Variants in XPO1 observed in about 807,000 individuals in gnomAD.
XPO1 encodes the protein exportin 1, also known as exportin-1.
A neutral mutation model predicts 133.3 loss-of-function variants in XPO1; 5 were observed. The ratio of observed to expected loss-of-function variants is 0.04; its 90% confidence interval spans 0.02 to 0.08. XPO1 has a LOEUF of 0.08. Ranked by LOEUF, XPO1 falls within the 10% of genes least tolerant of loss-of-function variation. The pLI is 1.00. For synonymous variants in XPO1, 419 were observed against 408.2 expected (o/e 1.03, Z -0.32); for missense variants, 506 against 1,267.5 (o/e 0.40, Z 9.12).
At chr2:61,494,650 GAA>G in intron 11 of XPO1, 1 of 152,788 alleles carries the variant, frequency 6.5e-6, no homozygotes, top group Non-Finnish European at 1.5e-5. Flanking sequence ...GAACAAAGGA[GAA>G]AGTGACTGTT....
intron 4 of XPO1, among the ~76,000 whole-genome samples, chr2:61,520,673 T>G (rs1208119406): frequency 6.6e-6 from 1 of 152,116 alleles, no homozygotes; most frequent in Non-Finnish European, 1.5e-5. Context: ...AAACAAAAAT[T>G]TTTTAAATTA....
chr2:61,502,285 G>C lies in XPO1; in HGVS notation c.327C>G (p.Leu109=), dbSNP rs2104531244. The change falls in exon 5 of 25, where the codon CTC becomes CTG. Residue 109 remains leucine (L), a synonymous_variant. Transcript: ENST00000401558. Reference sequence around the variant, plus strand: ...TTGGGTCAGATGACGTCTTGATAATGAGGCCAACAACGTATTTTTTTATTC... The same window carrying C: ...TTGGGTCAGATGACGTCTTGATAATCAGGCCAACAACGTATTTTTTTATTC... ...CEGIKKYVVG[L]IIKTSSDPTC... 1 of 1,613,660 alleles carries C rather than the reference G, an allele frequency of 6.2e-7. No individual in the cohort carries two copies. Among genetic ancestry groups the C allele is most frequent in the Non-Finnish European group, 8.5e-7 (1 of 1,179,938 alleles).
intron 6 of XPO1, among the ~76,000 whole-genome samples, chr2:61,500,706 G>A (rs756709536): frequency 2.9e-4 from 44 of 152,114 alleles, no homozygotes; most frequent in Admixed American, 6.6e-4. Flanking sequence ...GGCCAAGGCA[G>A]GAGAATTGCT....
At position 61,485,752 on chromosome 2, in the gene XPO1, C is replaced by G; in HGVS notation, c.2508+16G>C. 6.3e-7 allele frequency: 1 copy of G among 1,585,030 alleles called. No homozygotes were observed. The highest frequency in any genetic ancestry group is 8.6e-7 in the Non-Finnish European group (1 of 1,160,424). ...CCTGCAGAATTTCCCCCTTACATAA[C>G]TGAAATATTACACACCTTATTTATC... is the stretch of plus-strand genomic sequence containing the variant. On this transcript the variant is annotated intron_variant, in intron 20 of 24. Coordinates refer to ENST00000401558, the MANE Select transcript of XPO1 (RefSeq NM_003400.4).
chr2:61,522,505 G>C (rs1253888188), intron 4 of XPO1, 106 bp downstream of exon 4: 22 of 1,020,394 alleles, frequency 2.2e-5, no homozygotes, highest in Admixed American at 4.4e-5. Context: ...AGCTCCATTA[G>C]AGCAAAATAT....
intron 24 of XPO1, among the ~76,000 whole-genome samples, 154 bp from the exon 25 acceptor site, chr2:61,479,120 C>G (rs1381531956): frequency 6.6e-6 from 1 of 152,170 alleles, no homozygotes. Flanking sequence ...ACACAGTATA[C>G]TACATAGCTG....
intron 4 of XPO1, among the ~76,000 whole-genome samples, chr2:61,521,044 C>T (rs771582017): frequency 1.3e-5 from 2 of 152,176 alleles, no homozygotes; most frequent in Admixed American, 6.6e-5. Context: ...CATCACAGAA[C>T]GTGATCTAAA....
intron 3 of XPO1, among the ~76,000 whole-genome samples, chr2:61,524,484 G>A (rs1438409346): frequency 1.3e-5 from 2 of 152,172 alleles, no homozygotes; most frequent in African/African-American, 2.4e-5. Context: ...TGCCAAGGGG[G>A]TTGAAGCAGG....
At chr2:61,495,370 G>A in intron 11 of XPO1, 85 bp downstream of exon 11, 1 of 1,073,708 alleles carries the variant, frequency 9.3e-7, no homozygotes. Context: ...ATCTCAAAAG[G>A]TACATACATT....
chr2:61,482,341 G>T lies in XPO1; in HGVS notation c.2972+39C>A. The T allele has an allele frequency of 1.9e-6, 3 of 1,542,870 alleles. No individual in the cohort carries two copies. In the South Asian group the frequency reaches 3.7e-5, roughly 19 times the overall value. On this transcript the variant is annotated intron_variant, in intron 23 of 24. Transcript: ENST00000401558. ...ATTACAGGTGTGAGCCACTGTGCCC[G>T]ACCAGGAACATTCTACGTTTATTAA...
chr2:61,516,718 A>T (rs1464225859), intron 4 of XPO1, among the ~76,000 whole-genome samples: 1 of 151,590 alleles, frequency 6.6e-6, no homozygotes, highest in Non-Finnish European at 1.5e-5. Flanking sequence ...CCCGCCTGTG[A>T]GTAAGTTTTT....
At chr2:61,501,690 TC>T (rs1418862793) in intron 6 of XPO1, among the ~76,000 whole-genome samples, 2 of 133,718 alleles carry the variant, frequency 1.5e-5, no homozygotes, top group Non-Finnish European at 3.1e-5. Flanking sequence ...GCCACTGCAC[TC>T]CAGCCTGGGC....
At chr2:61,519,307 C>T (rs1166735478) in intron 4 of XPO1, among the ~76,000 whole-genome samples, 5 of 151,998 alleles carry the variant, frequency 3.3e-5, no homozygotes, top group Non-Finnish European at 7.4e-5. Flanking sequence ...GATACAGTAA[C>T]GTATAACACA....
chr2:61,515,069 T>TAAA (rs10638897), intron 4 of XPO1, among the ~76,000 whole-genome samples: 11,187 of 127,202 alleles, frequency 0.088, 660 homozygotes, highest in African/African-American at 0.14. Flanking sequence ...GTGACTGTCT[T>TAAA]AAAAAAAAAA....
At chr2:61,526,781 C>A (rs181671648) in intron 2 of XPO1, among the ~76,000 whole-genome samples, 55 of 151,764 alleles carry the variant, frequency 3.6e-4, no homozygotes, top group Admixed American at 7.2e-4. Context: ...GATCTCAGCA[C>A]CCTGCAACCT....
chr2:61,502,369 A>C, intron 4 of XPO1, 59 bp from the exon 5 acceptor site: 1 of 1,476,762 alleles, frequency 6.8e-7, no homozygotes, highest in Non-Finnish European at 9.4e-7. Flanking sequence ...GCATGCAAAT[A>C]AATTTTGAGA....
intron 10 of XPO1, 105 bp downstream of exon 10, chr2:61,496,774 T>G (rs1238601994): frequency 8.2e-7 from 1 of 1,225,018 alleles, no homozygotes; most frequent in Non-Finnish European, 1.1e-6. Flanking sequence ...AACAAAAGAT[T>G]ATGGCTTATC....
At chr2:61,531,478 A>G (rs1232137084) in intron 2 of XPO1, among the ~76,000 whole-genome samples, 1 of 152,244 alleles carries the variant, frequency 6.6e-6, no homozygotes, top group African/African-American at 2.4e-5. Flanking sequence ...GCTGTAATAT[A>G]TTCTCAATTA....
At chr2:61,496,789 A>T in intron 10 of XPO1, 90 bp downstream of exon 10, 1 of 1,286,718 alleles carries the variant, frequency 7.8e-7, no homozygotes, top group Non-Finnish European at 1.0e-6. Flanking sequence ...CTTATCTTTG[A>T]TACGTCGTTC....
Sources: gnomAD v4.1 joint callset for allele counts (sites outside exome capture counted in the v4.1 genomes callset) on GRCh38, gnomAD v4.1.1 for gene constraint, MANE v1.5 for transcripts, NCBI Gene and HGNC (gene_info 2026-07-23, HGNC 2026-07-21) for gene names.